NTM: variants seen among roughly 807,000 people sequenced by gnomAD.
NTM encodes the protein IgLON family member 2.
NTM carries 13 observed loss-of-function variants against 42.1 expected under a neutral mutation model. The ratio of observed to expected loss-of-function variants is 0.31; its 90% confidence interval spans 0.20 to 0.49. NTM has a LOEUF of 0.49. Among genes scored for constraint, NTM ranks in the 20% least tolerant of loss-of-function variants. NTM has a pLI of 0.99. For missense variants in NTM, 373 were observed against 452.8 expected (o/e 0.82, Z 1.60); for synonymous variants, 187 against 179.2 (o/e 1.04, Z -0.35).
At chr11:132,135,953 G>A (rs1459728965) in intron 2 of NTM, among the ~76,000 whole-genome samples, 2 of 152,152 alleles carry the variant, frequency 1.3e-5, no homozygotes, top group African/African-American at 2.4e-5. Context: ...GTTCCCCAAG[G>A]TGCCACGTCA....
chr11:131,929,564 G>C (rs2058367877), intron 2 of NTM, among the ~76,000 whole-genome samples: 1 of 152,064 alleles, frequency 6.6e-6, no homozygotes, highest in South Asian at 2.1e-4. Flanking sequence ...TTAGAGACAG[G>C]ACACAGCCCT....
intron 1 of NTM, among the ~76,000 whole-genome samples, chr11:131,778,670 C>T (rs986916031): frequency 6.6e-6 from 1 of 152,194 alleles, no homozygotes; most frequent in Non-Finnish European, 1.5e-5. Flanking sequence ...ATATGCAGTA[C>T]AGGAACTTTA....
intron 7 of NTM, among the ~76,000 whole-genome samples, chr11:132,327,697 G>A (rs978402100): frequency 7.2e-5 from 11 of 152,102 alleles, no homozygotes; most frequent in African/African-American, 2.4e-4. Context: ...TCTGGATTGA[G>A]CAGACATTGA....
chr11:131,428,880 C>CAAAAAAAAA (rs35312475), intron 1 of NTM, among the ~76,000 whole-genome samples: 735 of 82,774 alleles, frequency 8.9e-3, no homozygotes, highest in East Asian at 0.014. Context: ...ACTAAAAATA[C>CAAAAAAAAA]AAAAAAAAAA....
At chr11:131,431,106 T>C (rs1036340305) in intron 1 of NTM, among the ~76,000 whole-genome samples, 1 of 152,218 alleles carries the variant, frequency 6.6e-6, no homozygotes, top group African/African-American at 2.4e-5. Context: ...CTTTTGCTGT[T>C]TATCAGTGGT....
chr11:131,842,049 G>T (rs1005546313), intron 1 of NTM, among the ~76,000 whole-genome samples: 1 of 152,122 alleles, frequency 6.6e-6, no homozygotes, highest in Non-Finnish European at 1.5e-5. Flanking sequence ...ATACAAAACC[G>T]GTTACCCCAA....
intron 1 of NTM, among the ~76,000 whole-genome samples, chr11:131,527,373 G>T (rs1046154336): frequency 2.0e-5 from 3 of 152,156 alleles, no homozygotes; most frequent in Non-Finnish European, 4.4e-5. Context: ...ACAGCTTGGT[G>T]ACATCTATGA....
chr11:132,197,565 T>C (rs1454198035), intron 3 of NTM, among the ~76,000 whole-genome samples: 1 of 151,806 alleles, frequency 6.6e-6, no homozygotes, highest in Non-Finnish European at 1.5e-5. Flanking sequence ...TTGTTATATA[T>C]GTATACATGT....
At position 132,307,785 on chromosome 11, in the gene NTM, C is replaced by T. The variant is rs1476205772; in HGVS notation, c.623C>T (p.Ala208Val). 2 of 1,614,186 alleles carry T rather than the reference C, an allele frequency of 1.2e-6. No homozygotes were observed. The highest frequency in any genetic ancestry group is 2.2e-5 in the East Asian group (1 of 44,872). Reference protein sequence around the residue: ...DYECSASNDVAAPVVRRVKVT... With the variant: ...DYECSASNDVVAPVVRRVKVT... ...GAGTGCAGTGCCTCCAATGACGTGG[C>T]CGCGCCCGTGGTACGGAGAGTAAAG... The change falls in exon 5 of 9, where the codon GCC (alanine) becomes GTC (valine). Residue 208 changes from alanine to valine, a missense_variant. Physicochemically the swap from Ala to Val is moderately conservative, Grantham distance 64. Around this residue, in one of 3 missense-constraint regions of NTM, gnomAD observed 312 missense variants for 353.5 expected, o/e 0.88. Transcript: ENST00000683400.
intron 3 of NTM, among the ~76,000 whole-genome samples, chr11:132,207,320 C>A (rs1459550906): frequency 2.6e-5 from 4 of 152,188 alleles, no homozygotes; most frequent in East Asian, 3.9e-4. Context: ...TTGTGAACTG[C>A]CCATGCGAGG....
intron 1 of NTM, among the ~76,000 whole-genome samples, chr11:131,596,560 C>G (rs888706489): frequency 1.3e-5 from 2 of 152,232 alleles, no homozygotes; most frequent in African/African-American, 2.4e-5. Context: ...CCTCTCTAGC[C>G]TTCCTTTCTG....
intron 2 of NTM, among the ~76,000 whole-genome samples, chr11:131,925,750 G>T (rs1332992118): frequency 6.6e-6 from 1 of 152,098 alleles, no homozygotes; most frequent in African/African-American, 2.4e-5. Flanking sequence ...TTTGGGTAAA[G>T]GAGAAAGGAA....
At chr11:131,718,789 A>G (rs989838143) in intron 1 of NTM, among the ~76,000 whole-genome samples, 4 of 152,062 alleles carry the variant, frequency 2.6e-5, no homozygotes, top group African/African-American at 9.7e-5. Flanking sequence ...GGAGTCCTCT[A>G]GCCTCCACCT....
intron 1 of NTM, among the ~76,000 whole-genome samples, chr11:131,642,597 C>G (rs1278859849): frequency 6.6e-6 from 1 of 152,154 alleles, no homozygotes. Context: ...AGTTTTGCTA[C>G]AGACATGGCC....
At position 131,976,159 on chromosome 11, in the gene NTM, T is replaced by TTC. The variant is rs1565866210; in HGVS notation, c.167+64511_167+64512insTC. Among the ~76,000 whole-genome samples the TTC allele has an allele frequency of 6.5e-4, 28 of 42,988 alleles. 1 individual carries two copies. Among genetic ancestry groups the TTC allele is most frequent in the East Asian group, 5.3e-3 (5 of 938 alleles). 28.2% of individuals were successfully genotyped at this position (42,988 alleles called of 152,430 possible). A position where few individuals can be genotyped will look rare whatever the true frequency, so the allele number is the denominator to read the frequency against. ...TCCTTCCTTCCTTCCTTCCTTCCTTTCTTCCTTCCTTCCTTTCTTCCTTTC... is the reference window on the plus strand; with the variant it reads ...TCCTTCCTTCCTTCCTTCCTTCCTTTTCCTTCCTTCCTTCCTTTCTTCCTTTC... On this transcript the variant is annotated intron_variant, in intron 2 of 8. Transcript: ENST00000683400.
intron 2 of NTM, among the ~76,000 whole-genome samples, chr11:131,980,214 C>T (rs34167030): frequency 3.3e-5 from 5 of 152,056 alleles, no homozygotes; most frequent in Admixed American, 6.5e-5. Context: ...TCATTTTTCC[C>T]GGATTGGTAG....
At chr11:131,601,994 G>C (rs898498402) in intron 1 of NTM, among the ~76,000 whole-genome samples, 1 of 152,074 alleles carries the variant, frequency 6.6e-6, no homozygotes, top group Admixed American at 6.5e-5. Context: ...AGTTATATTG[G>C]GGGCACAAAC....
At chr11:131,529,708 AAAAG>A (rs372260039) in intron 1 of NTM, among the ~76,000 whole-genome samples, 34 of 152,322 alleles carry the variant, frequency 2.2e-4, no homozygotes, top group African/African-American at 7.7e-4. Context: ...GAGAAAAATC[AAAAG>A]AAAGACTGAA....
chr11:131,679,561 T>C (rs1592508060), intron 1 of NTM, among the ~76,000 whole-genome samples: 1 of 151,964 alleles, frequency 6.6e-6, no homozygotes, highest in East Asian at 1.9e-4. Flanking sequence ...AGCGGTGCCT[T>C]TCCCAGGAGC....
Sources: allele counts gnomAD v4.1 joint callset (sites outside exome capture counted in the v4.1 genomes callset), GRCh38; gene constraint gnomAD v4.1.1; regional missense constraint gnomAD v4.1.1; transcripts MANE v1.5; gene names NCBI Gene and HGNC (gene_info 2026-07-23, HGNC 2026-07-21).